The following MREG variants were observed in gnomAD, a reference collection of about 807,000 sequenced individuals.
MREG encodes the protein melanoregulin.
Under a neutral mutation model 28.5 loss-of-function variants are expected in MREG, and 31 were observed. That is an observed-to-expected ratio of 1.09 (90% CI 0.82 to 1.47). The LOEUF is 1.47. Among genes scored for constraint, MREG ranks in the 40% most tolerant of loss-of-function variants. MREG has a pLI of 0.00. For synonymous variants in MREG, 106 were observed against 95.2 expected (o/e 1.11, Z -0.66); for missense variants, 256 against 257.4 (o/e 0.99, Z 0.04).
intron 1 of MREG, among the ~76,000 whole-genome samples, chr2:216,002,388 G>T (rs1694039948): frequency 6.6e-6 from 1 of 152,134 alleles, no homozygotes; most frequent in Non-Finnish European, 1.5e-5. Flanking sequence ...ACTAACAAGG[G>T]CTGCATGTAA....
chr2:216,005,569 A>G (rs1694130334), intron 1 of MREG, among the ~76,000 whole-genome samples: 1 of 144,850 alleles, frequency 6.9e-6, no homozygotes, highest in African/African-American at 2.5e-5. Context: ...CTTCTTCCTC[A>G]GCCTCCAGAG....
chr2:215,972,786 A>C (rs1451333675), intron 2 of MREG, among the ~76,000 whole-genome samples: 6 of 152,164 alleles, frequency 3.9e-5, no homozygotes, highest in South Asian at 4.1e-4. Context: ...GTTTTTTAAA[A>C]AACAACAACA....
chr2:215,966,678 T>G (rs981568502), intron 2 of MREG, among the ~76,000 whole-genome samples: 10 of 150,694 alleles, frequency 6.6e-5, no homozygotes, highest in African/African-American at 2.4e-4. Context: ...CTCGGCTCAC[T>G]GCAACCTCTG....
chr2:215,983,880 G>A (rs1693494838), intron 2 of MREG, among the ~76,000 whole-genome samples: 1 of 152,156 alleles, frequency 6.6e-6, no homozygotes, highest in Non-Finnish European at 1.5e-5. Flanking sequence ...TAAAGGATAA[G>A]CGTAGAATTT....
chr2:215,983,271 T>C (rs1223201331), intron 2 of MREG, among the ~76,000 whole-genome samples: 25 of 152,234 alleles, frequency 1.6e-4, no homozygotes, highest in Admixed American at 1.6e-3. Context: ...TGTCCAATTC[T>C]TGGGGACATA....
chr2:216,007,971 C>A (rs1409085182), intron 1 of MREG, among the ~76,000 whole-genome samples: 2 of 152,134 alleles, frequency 1.3e-5, no homozygotes, highest in East Asian at 3.8e-4. Context: ...TGACAGGGAT[C>A]TAATCCTGCC....
At chr2:215,967,753 T>C (rs563064493) in intron 2 of MREG, among the ~76,000 whole-genome samples, 16 of 152,324 alleles carry the variant, frequency 1.1e-4, no homozygotes, top group African/African-American at 3.8e-4. Flanking sequence ...CCATAGTCAG[T>C]ATGTAACCTC....
intron 2 of MREG, among the ~76,000 whole-genome samples, chr2:215,981,132 G>T (rs776113021): frequency 6.6e-6 from 1 of 152,050 alleles, no homozygotes; most frequent in Non-Finnish European, 1.5e-5. Context: ...ATTACTCTAT[G>T]ATCCAACAAT....
At chr2:215,953,640 A>C (rs746644982) in intron 2 of MREG, among the ~76,000 whole-genome samples, 1 of 152,224 alleles carries the variant, frequency 6.6e-6, no homozygotes, top group Non-Finnish European at 1.5e-5. Flanking sequence ...GCAATAAGTA[A>C]CAGAGAACAA....
chr2:216,020,918 T>A (rs188554513), intron 1 of MREG, among the ~76,000 whole-genome samples: 33 of 152,274 alleles, frequency 2.2e-4, no homozygotes, highest in African/African-American at 7.7e-4. Flanking sequence ...CACCAACATC[T>A]ACCCCCAAAC....
At chr2:216,033,765 C>G (rs905048280), upstream of MREG, 1 of 152,436 alleles carries the variant, frequency 6.6e-6, no homozygotes, top group African/African-American at 2.4e-5. Context: ...AAGACTCTGA[C>G]TCCCACCAGG....
At chr2:216,026,245 T>A (rs2105932078) in intron 1 of MREG, among the ~76,000 whole-genome samples, 1 of 152,372 alleles carries the variant, frequency 6.6e-6, no homozygotes, top group South Asian at 2.1e-4. Flanking sequence ...AGTTTCTTTC[T>A]GGGATGATGA....
chr2:215,997,860 C>A (rs1438163715), intron 1 of MREG, among the ~76,000 whole-genome samples: 1 of 152,152 alleles, frequency 6.6e-6, no homozygotes, highest in African/African-American at 2.4e-5. Flanking sequence ...ATATGGGATG[C>A]TCAGAAGTTG....
intron 1 of MREG, among the ~76,000 whole-genome samples, chr2:216,029,429 G>A (rs139281354): frequency 2.0e-3 from 301 of 152,052 alleles, no homozygotes; most frequent in African/African-American, 7.1e-3. Context: ...AGTGAGCTGA[G>A]ATCACGCCAC....
intron 2 of MREG, among the ~76,000 whole-genome samples, chr2:215,992,662 A>G (rs1346901154): frequency 1.3e-5 from 2 of 152,042 alleles, no homozygotes; most frequent in Non-Finnish European, 2.9e-5. Flanking sequence ...TATTTAGAAA[A>G]CCCCATTGTC....
At chr2:216,027,392 G>T (rs1298414328) in intron 1 of MREG, among the ~76,000 whole-genome samples, 2 of 152,138 alleles carry the variant, frequency 1.3e-5, no homozygotes, top group Non-Finnish European at 2.9e-5. Flanking sequence ...AAGAATAATA[G>T]TCTAAAAGCC....
At chr2:216,010,834 G>A (rs558595138) in intron 1 of MREG, among the ~76,000 whole-genome samples, 192 of 150,728 alleles carry the variant, frequency 1.3e-3, no homozygotes, top group African/African-American at 4.5e-3. Context: ...AGTGGCTCAC[G>A]CCTGTAATCC....
chr2:216,033,901 C>A (rs923319297), upstream of MREG: 6 of 152,146 alleles, frequency 3.9e-5, no homozygotes, highest in East Asian at 1.2e-3. Flanking sequence ...TCCAAAATAG[C>A]CTAGAGATTT....
At chr2:215,994,401 T>A (rs1693804544) in intron 2 of MREG, among the ~76,000 whole-genome samples, 1 of 150,766 alleles carries the variant, frequency 6.6e-6, no homozygotes, top group Non-Finnish European at 1.5e-5. Context: ...GTCACACACT[T>A]GGGCCTGTCA....
Sources: gnomAD v4.1 joint callset for allele counts (sites outside exome capture counted in the v4.1 genomes callset) on GRCh38, gnomAD v4.1.1 for gene constraint, MANE v1.5 for transcripts, NCBI Gene and HGNC (gene_info 2026-07-23, HGNC 2026-07-21) for gene names.